ZBTB8A: variants seen among roughly 807,000 people sequenced by gnomAD.
ZBTB8A encodes the protein zinc finger and BTB domain-containing protein 8A.
ZBTB8A carries 19 observed loss-of-function variants against 37.8 expected under a neutral mutation model. The observed-to-expected ratio is 0.50, with a 90% CI of 0.35 to 0.74. ZBTB8A has a LOEUF of 0.74. Among genes scored for constraint, ZBTB8A ranks in the 30% least tolerant of loss-of-function variants. The probability of loss-of-function intolerance (pLI) is 0.01; values close to 1 mark genes in which losing one functional copy is unlikely to be tolerated. For synonymous variants in ZBTB8A, 181 were observed against 185.2 expected (o/e 0.98, Z 0.19); for missense variants, 394 against 537.8 (o/e 0.73, Z 2.65).
intron 3 of ZBTB8A, 41 bp from the exon 4 acceptor site, chr1:32,595,013 T>C: frequency 6.4e-7 from 1 of 1,571,206 alleles, no homozygotes; most frequent in Non-Finnish European, 8.7e-7. Context: ...TTAGAATTGT[T>C]ATGAACTTTC....
At chr1:32,590,662 A>G (rs560193381) in intron 2 of ZBTB8A, among the ~76,000 whole-genome samples, 3 of 152,256 alleles carry the variant, frequency 2.0e-5, no homozygotes, top group Admixed American at 1.3e-4. Flanking sequence ...TCGTGGCAGG[A>G]AAGTTTTCAC....
intron 1 of ZBTB8A, among the ~76,000 whole-genome samples, chr1:32,543,405 A>G (rs893758384): frequency 6.6e-6 from 1 of 152,120 alleles, no homozygotes; most frequent in Admixed American, 6.6e-5. Flanking sequence ...CTCTTACGCC[A>G]TAAAATTTAC....
chr1:32,557,980 A>G (rs1362913262), intron 2 of ZBTB8A, among the ~76,000 whole-genome samples: 1 of 152,202 alleles, frequency 6.6e-6, no homozygotes, highest in African/African-American at 2.4e-5. Context: ...GTGGAAAACA[A>G]ATATCTGTCC....
intron 2 of ZBTB8A, among the ~76,000 whole-genome samples, chr1:32,557,072 C>T (rs1015143525): frequency 6.6e-6 from 1 of 152,106 alleles, no homozygotes; most frequent in Non-Finnish European, 1.5e-5. Context: ...GAGTCCAAGG[C>T]AGGTGGATCA....
At chr1:32,545,723 C>T (rs562221227) in intron 1 of ZBTB8A, among the ~76,000 whole-genome samples, 1 of 152,150 alleles carries the variant, frequency 6.6e-6, no homozygotes, top group Non-Finnish European at 1.5e-5. Context: ...CTGTTTAATA[C>T]GCTGTTTTTG....
In ZBTB8A at chr1:32,602,328, C is replaced by CA. The variant is rs1214520583; in HGVS notation, c.*1929dup. 0.096 allele frequency: 4,954 copies of CA among 51,634 alleles called. 198 individuals are homozygous for CA. Among genetic ancestry groups the CA allele is most frequent in the East Asian group, 0.15 (234 of 1,602 alleles). The allele number at this position is 51,634 out of a possible 1,614,324, so 3.2% of individuals were successfully genotyped here. A position where few individuals can be genotyped will look rare whatever the true frequency, so the allele number is the denominator to read the frequency against. On this transcript the variant is annotated 3_prime_UTR_variant, in exon 5 of 5. Coordinates refer to ENST00000373510, the MANE Select transcript of ZBTB8A (RefSeq NM_001040441.3). The stretch of plus-strand genomic sequence containing the variant: ...GGGCAACAAGAGCGAAACTCCGTCT[C>CA]AAAAAAAAAAAAAAAAAAAACTTCT...
intron 3 of ZBTB8A, 32 bp from the exon 4 acceptor site, chr1:32,595,022 T>G (rs1644519275): frequency 1.3e-6 from 2 of 1,588,402 alleles, no homozygotes; most frequent in Non-Finnish European, 1.7e-6. Context: ...TTATGAACTT[T>G]CCAGTGATTT....
At position 32,593,649 on chromosome 1, in the gene ZBTB8A, G is replaced by A; in HGVS notation, c.718G>A (p.Val240Ile). ...ACGAACATCTGATTCTTCCAGCCAT[G>A]TTTCCCAGTCTGAAGAACAAGCACA... ...EVRTSDSSSHVSQSEEQAQID... is the reference protein window; with the variant it reads ...EVRTSDSSSHISQSEEQAQID... Residue 240 changes from valine to isoleucine, a missense_variant, in exon 3 of 5, where the codon GTT (valine) becomes ATT (isoleucine). This residue lies in a region of ZBTB8A where 171 missense variants were observed against 186.8 expected (regional missense o/e 0.92). Coordinates refer to ENST00000373510, the MANE Select transcript of ZBTB8A (RefSeq NM_001040441.3). 1 of 1,614,140 alleles carries A rather than the reference G, an allele frequency of 6.2e-7. No individual in the cohort carries two copies. The highest frequency in any genetic ancestry group is 8.5e-7 in the Non-Finnish European group (1 of 1,180,024).
intron 2 of ZBTB8A, among the ~76,000 whole-genome samples, chr1:32,586,958 T>G (rs547082977): frequency 6.6e-6 from 1 of 152,204 alleles, no homozygotes; most frequent in East Asian, 1.9e-4. Context: ...TAAAATAGCC[T>G]TTAGGGTCAG....
At chr1:32,545,395 T>G (rs564006242) in intron 1 of ZBTB8A, among the ~76,000 whole-genome samples, 1 of 152,340 alleles carries the variant, frequency 6.6e-6, no homozygotes, top group Non-Finnish European at 1.5e-5. Flanking sequence ...TCTTATTTAT[T>G]TTAGCGATTA....
At chr1:32,544,447 C>T (rs1380196191) in intron 1 of ZBTB8A, among the ~76,000 whole-genome samples, 2 of 152,188 alleles carry the variant, frequency 1.3e-5, no homozygotes, top group African/African-American at 4.8e-5. Flanking sequence ...CCTGTAATCC[C>T]AGCACTTTGG....
At chr1:32,540,048 C>T (rs1644040169) in intron 1 of ZBTB8A, among the ~76,000 whole-genome samples, 1 of 151,882 alleles carries the variant, frequency 6.6e-6, no homozygotes. Flanking sequence ...GCTCCCAGGG[C>T]AGTAGCCCGA....
At chr1:32,548,088 G>A (rs1644120919) in intron 1 of ZBTB8A, among the ~76,000 whole-genome samples, 1 of 133,798 alleles carries the variant, frequency 7.5e-6, no homozygotes, top group South Asian at 2.5e-4. Flanking sequence ...AGCCGAGATT[G>A]CACCACTGCA....
chr1:32,583,138 T>A (rs1644420463), intron 2 of ZBTB8A, among the ~76,000 whole-genome samples: 1 of 152,072 alleles, frequency 6.6e-6, no homozygotes, highest in Non-Finnish European at 1.5e-5. Flanking sequence ...CCCAACACTT[T>A]GGGAGACTGA....
intron 2 of ZBTB8A, among the ~76,000 whole-genome samples, chr1:32,582,814 A>G (rs1230571894): frequency 1.3e-5 from 2 of 152,156 alleles, no homozygotes; most frequent in Non-Finnish European, 2.9e-5. Flanking sequence ...ACAAGGTCAT[A>G]TAAGGACTCA....
chr1:32,542,964 T>A (rs764176512), intron 1 of ZBTB8A, among the ~76,000 whole-genome samples: 12 of 152,224 alleles, frequency 7.9e-5, no homozygotes, highest in Admixed American at 1.3e-4. Context: ...TGAAAATAAC[T>A]TAAACCTTTT....
At chr1:32,595,497 C>A (rs1644523211) in intron 4 of ZBTB8A, among the ~76,000 whole-genome samples, 2 of 151,718 alleles carry the variant, frequency 1.3e-5, no homozygotes, top group South Asian at 4.1e-4. Context: ...AAACACCCAA[C>A]CTCAGGTGAT....
At chr1:32,539,924 T>C (rs1425864422) in intron 1 of ZBTB8A, among the ~76,000 whole-genome samples, 3 of 150,176 alleles carry the variant, frequency 2.0e-5, no homozygotes, top group African/African-American at 7.3e-5. Context: ...CTGGAGGGGC[T>C]CGGGCTGCGC....
intron 4 of ZBTB8A, 104 bp from the exon 5 acceptor site, chr1:32,599,983 A>T: frequency 1.2e-6 from 1 of 847,556 alleles, no homozygotes; most frequent in African/African-American, 1.7e-5. Context: ...ATTTGAGTTT[A>T]ATGCATGGCT....
Sources: allele counts gnomAD v4.1 joint callset (sites outside exome capture counted in the v4.1 genomes callset), GRCh38; gene constraint gnomAD v4.1.1; regional missense constraint gnomAD v4.1.1; transcripts MANE v1.5; gene names NCBI Gene and HGNC (gene_info 2026-07-23, HGNC 2026-07-21).